SNX30: variants seen among roughly 807,000 people sequenced by gnomAD.
SNX30 encodes the protein sorting nexin-30.
A neutral mutation model predicts 46.4 loss-of-function variants in SNX30; 24 were observed. The ratio of observed to expected loss-of-function variants is 0.52; its 90% CI spans 0.37 to 0.73. The LOEUF is 0.73. Among genes scored for constraint, SNX30 ranks in the 30% least tolerant of loss-of-function variants. The pLI is 0.00. For synonymous variants in SNX30, 189 were observed against 211.5 expected (o/e 0.89, Z 0.92); for missense variants, 533 against 555.7 (o/e 0.96, Z 0.41).
rs1013631360 is a variant in SNX30, at chr9:112,785,222, AT to A, written c.157-19543del. 7.8e-4 allele frequency among the ~76,000 whole-genome samples: 116 copies of A among 148,292 alleles called. 1 individual carries two copies. Among genetic ancestry groups the A allele is most frequent in the Non-Finnish European group, 1.5e-3 (99 of 66,662 alleles). ...ACTGTATCTATATTTTGGGAATGTA[AT>A]TTTTTTTTTTGAGACATGACCTCAC... On this transcript the variant is annotated intron_variant, in intron 1 of 8. Coordinates refer to ENST00000374232, the MANE Select transcript of SNX30 (RefSeq NM_001012994.2).
At chr9:112,814,910 A>G (rs765295718) in intron 2 of SNX30, among the ~76,000 whole-genome samples, 11 of 152,214 alleles carry the variant, frequency 7.2e-5, no homozygotes, top group Non-Finnish European at 1.2e-4. Context: ...ATTTGGTTTA[A>G]TTATCGTGTA....
At chr9:112,827,407 G>A (rs1840593681) in intron 3 of SNX30, among the ~76,000 whole-genome samples, 1 of 152,174 alleles carries the variant, frequency 6.6e-6, no homozygotes, top group Admixed American at 6.5e-5. Context: ...AAAGTCAAAA[G>A]ATAAACCCAG....
At chr9:112,755,490 G>A (rs1262815488) in intron 1 of SNX30, among the ~76,000 whole-genome samples, 4 of 152,026 alleles carry the variant, frequency 2.6e-5, no homozygotes, top group East Asian at 1.9e-4. Context: ...GGGCCATGGG[G>A]TGGGAAGTTA....
chr9:112,879,777 G>T (rs1408758178), downstream of SNX30: 1 of 1,612,574 alleles, frequency 6.2e-7, no homozygotes, highest in Non-Finnish European at 8.5e-7. Context: ...TCTCTATGAT[G>T]TCTCCATATG....
At position 112,871,229 on chromosome 9, in the gene SNX30, G is replaced by C. The variant is rs2131522124; in HGVS notation, c.*2386G>C. On this transcript the variant is annotated 3_prime_UTR_variant, in exon 9 of 9. Transcript: ENST00000374232. ...GGCATGTTATTGATAACAGAGCCAGGAAGTCCAGTGTACATTACAGATTTT... is the reference window on the plus strand; with the variant it reads ...GGCATGTTATTGATAACAGAGCCAGCAAGTCCAGTGTACATTACAGATTTT... The C allele has an allele frequency of 6.6e-6, 1 of 152,316 alleles. No individual in the cohort carries two copies. The highest frequency in any genetic ancestry group is 1.9e-4 in the East Asian group (1 of 5,178). The allele number at this position is 152,316 out of a possible 1,614,324, so 9.4% of individuals were successfully genotyped here.
chr9:112,760,637 A>ACTGTGCCAG (rs1307100862), intron 1 of SNX30, among the ~76,000 whole-genome samples: 4 of 152,190 alleles, frequency 2.6e-5, no homozygotes, highest in Non-Finnish European at 5.9e-5. Context: ...TCAGGATCCG[A>ACTGTGCCAG]CTGTGCCAGC....
intron 8 of SNX30, among the ~76,000 whole-genome samples, chr9:112,867,234 T>C (rs1841370398): frequency 1.4e-5 from 2 of 145,082 alleles, no homozygotes; most frequent in Admixed American, 1.4e-4. Context: ...TCAGAACTCC[T>C]GCCTCCTCAG....
intron 3 of SNX30, among the ~76,000 whole-genome samples, chr9:112,830,200 A>G (rs1840640034): frequency 6.6e-6 from 1 of 152,190 alleles, no homozygotes; most frequent in Admixed American, 6.5e-5. Context: ...ACTTTTGAGT[A>G]TAAACCTAAA....
intron 6 of SNX30, among the ~76,000 whole-genome samples, chr9:112,849,091 C>T (rs1482928182): frequency 6.6e-6 from 1 of 152,160 alleles, no homozygotes; most frequent in Non-Finnish European, 1.5e-5. Flanking sequence ...GCTAGGCATC[C>T]TGTGAAGGGA....
At chr9:112,822,018 A>G (rs1840506935) in intron 3 of SNX30, among the ~76,000 whole-genome samples, 1 of 151,788 alleles carries the variant, frequency 6.6e-6, no homozygotes, top group Admixed American at 6.6e-5. Flanking sequence ...GGCTCAAGTG[A>G]TCTTCCCACC....
In SNX30 at chr9:112,776,563, G is replaced by C. The variant is rs549984029; in HGVS notation, c.156+25406G>C. 5.3e-5 allele frequency among the ~76,000 whole-genome samples: 8 copies of C among 152,294 alleles called. No homozygotes were observed. In the South Asian group the frequency reaches 1.5e-3, roughly 28 times the overall value. The stretch of plus-strand genomic sequence containing the variant: ...TGGTGATGCACATGCTGTTCCTCCT[G>C]CCCAGCACTGAGACTTGCTCTTCTG... On this transcript the variant is annotated intron_variant, in intron 1 of 8. Coordinates refer to ENST00000374232, the MANE Select transcript of SNX30 (RefSeq NM_001012994.2).
chr9:112,811,513 A>G (rs1423616774), intron 2 of SNX30, among the ~76,000 whole-genome samples: 2 of 152,168 alleles, frequency 1.3e-5, no homozygotes, highest in Admixed American at 1.3e-4. Context: ...ATGACCGATT[A>G]GACTGTCATT....
At chr9:112,878,397 CAA>C (rs1291857428), downstream of SNX30, 1 of 152,184 alleles carries the variant, frequency 6.6e-6, no homozygotes, top group Non-Finnish European at 1.5e-5. Context: ...GAATGTCCCC[CAA>C]CATCTGGCCT....
intron 1 of SNX30, among the ~76,000 whole-genome samples, chr9:112,804,071 A>G (rs1447389792): frequency 6.7e-6 from 1 of 148,592 alleles, no homozygotes; most frequent in Non-Finnish European, 1.5e-5. Flanking sequence ...GGTACCTCAG[A>G]TGGAAATGCA....
chr9:112,863,132 C>T (rs1588142522), intron 7 of SNX30, among the ~76,000 whole-genome samples: 1 of 152,208 alleles, frequency 6.6e-6, no homozygotes, highest in Non-Finnish European at 1.5e-5. Flanking sequence ...GTCCAGCTCC[C>T]TCAGGCCTGT....
chr9:112,795,765 T>TCTCACACACACACACA (rs34877094), intron 1 of SNX30, among the ~76,000 whole-genome samples: 2,373 of 123,288 alleles, frequency 0.019, 26 homozygotes, highest in East Asian at 0.045. Context: ...CACAGTACAG[T>TCTCACACACACACACA]CACACACACA....
downstream of SNX30, among the ~76,000 whole-genome samples, chr9:112,876,771 A>C (rs1444406142): frequency 6.6e-6 from 1 of 152,150 alleles, no homozygotes; most frequent in Non-Finnish European, 1.5e-5. Flanking sequence ...ACCTGTCTCT[A>C]TCAAAAATAC....
chr9:112,806,394 C>G (rs1363989617), intron 2 of SNX30, among the ~76,000 whole-genome samples: 3 of 152,132 alleles, frequency 2.0e-5, no homozygotes, highest in Non-Finnish European at 2.9e-5. Context: ...CCACCCCCAC[C>G]AAGTCACATA....
intron 4 of SNX30, among the ~76,000 whole-genome samples, chr9:112,831,171 T>C (rs1840654535): frequency 6.6e-6 from 1 of 151,750 alleles, no homozygotes; most frequent in Non-Finnish European, 1.5e-5. Context: ...GGTTTTGATC[T>C]TTCAGAAGCC....
Sources: allele counts gnomAD v4.1 joint callset (sites outside exome capture counted in the v4.1 genomes callset), GRCh38; gene constraint gnomAD v4.1.1; transcripts MANE v1.5; gene names NCBI Gene and HGNC (gene_info 2026-07-23, HGNC 2026-07-21).